B3GALT1: variants seen among roughly 807,000 people sequenced by gnomAD.
B3GALT1 encodes the protein UDP-Gal:betaGlcNAc beta 1,3-galactosyltransferase, polypeptide 1.
In B3GALT1, 10 loss-of-function variants were observed where a neutral mutation model predicts 23.2. The observed-to-expected ratio is 0.43, with a 90% CI of 0.27 to 0.73. The LOEUF (loss-of-function observed/expected upper bound fraction) is 0.73, where lower values mean the gene tolerates loss of function less well. B3GALT1 is among the 30% of genes least tolerant of loss of function. The probability of loss-of-function intolerance (pLI) is 0.21; values close to 1 mark genes in which losing one functional copy is unlikely to be tolerated. For missense variants in B3GALT1, 299 were observed against 405.4 expected (o/e 0.74, Z 2.25); for synonymous variants, 156 against 141.5 (o/e 1.10, Z -0.73).
In B3GALT1 at chr2:167,865,582, G is replaced by T. The variant is rs547931097; in HGVS notation, c.-229-3229G>T. 1.2e-4 allele frequency among the ~76,000 whole-genome samples: 18 copies of T among 152,282 alleles called. No homozygotes were observed. The South Asian group carries it at 3.7e-3, about 32-fold the overall frequency. On this transcript the variant is annotated intron_variant, in intron 4 of 4. Coordinates refer to ENST00000392690, the MANE Select transcript of B3GALT1 (RefSeq NM_020981.4). ...CGAGGCGGGCAGATCACAAGATCAG[G>T]AGATCGAGACCCTCCTGGCTAACAC...
At chr2:167,447,249 G>C (rs532018525) in intron 1 of B3GALT1, among the ~76,000 whole-genome samples, 1 of 152,200 alleles carries the variant, frequency 6.6e-6, no homozygotes, top group Non-Finnish European at 1.5e-5. Flanking sequence ...GCACCTGGCC[G>C]TGTGAGGTGT....
chr2:167,730,544 A>G (rs1687395192), intron 3 of B3GALT1, among the ~76,000 whole-genome samples: 1 of 152,128 alleles, frequency 6.6e-6, no homozygotes, highest in Non-Finnish European at 1.5e-5. Flanking sequence ...CAAAGATATT[A>G]ATTTGTTTGT....
intron 1 of B3GALT1, among the ~76,000 whole-genome samples, chr2:167,408,921 A>G (rs1436512933): frequency 1.3e-5 from 2 of 152,216 alleles, no homozygotes; most frequent in Non-Finnish European, 2.9e-5. Flanking sequence ...GGAAGAATTA[A>G]TATTGTGAAA....
intron 3 of B3GALT1, among the ~76,000 whole-genome samples, chr2:167,666,537 G>A (rs1402465693): frequency 1.3e-5 from 2 of 151,408 alleles, no homozygotes; most frequent in South Asian, 4.2e-4. Context: ...TCTGTCTAAT[G>A]TTGACAGTGG....
At chr2:167,372,371 A>G (rs925573826) in intron 1 of B3GALT1, among the ~76,000 whole-genome samples, 1 of 152,074 alleles carries the variant, frequency 6.6e-6, no homozygotes, top group Admixed American at 6.5e-5. Flanking sequence ...TTATAAAAGA[A>G]ATCTGTGAAA....
At chr2:167,734,273 C>T (rs1211259384) in intron 3 of B3GALT1, among the ~76,000 whole-genome samples, 1 of 152,122 alleles carries the variant, frequency 6.6e-6, no homozygotes. Flanking sequence ...GGTCTAGTCA[C>T]TATTCACCCA....
At chr2:167,452,037 A>G (rs1699100818) in intron 1 of B3GALT1, among the ~76,000 whole-genome samples, 1 of 152,098 alleles carries the variant, frequency 6.6e-6, no homozygotes, top group Non-Finnish European at 1.5e-5. Flanking sequence ...ATGCCTCCCC[A>G]ACAGCACCGG....
intron 2 of B3GALT1, among the ~76,000 whole-genome samples, chr2:167,508,452 G>A (rs1183403607): frequency 6.6e-6 from 1 of 151,574 alleles, no homozygotes; most frequent in African/African-American, 2.4e-5. Flanking sequence ...TAGAGACGGG[G>A]TTTCACCGTG....
intron 4 of B3GALT1, among the ~76,000 whole-genome samples, chr2:167,821,388 A>C (rs1395327563): frequency 1.3e-5 from 2 of 151,788 alleles, no homozygotes. Context: ...TTGGAAGAAA[A>C]GAAGAGCTGA....
intron 3 of B3GALT1, among the ~76,000 whole-genome samples, chr2:167,773,270 AATATGTATTGTGTAT>A (rs1688101720): frequency 6.6e-6 from 1 of 152,268 alleles, no homozygotes; most frequent in African/African-American, 2.4e-5. Flanking sequence ...TAAAAATGCA[AATATGTATTGTGTAT>A]ATATGTATGT....
chr2:167,325,042 T>C (rs2105495711), intron 1 of B3GALT1, among the ~76,000 whole-genome samples: 1 of 152,286 alleles, frequency 6.6e-6, no homozygotes, highest in South Asian at 2.1e-4. Context: ...TTGCTGCAAA[T>C]GACACGATTT....
In B3GALT1 at chr2:167,715,303, T is replaced by A. The variant is rs1047934617; in HGVS notation, c.-352+68337T>A. ...GATTTTCTTTATCATTCAGAACTTG[T>A]TCTGCTTATACTTTGGAGTCTTCAA... On this transcript the variant is annotated intron_variant, in intron 3 of 4. Transcript: ENST00000392690. The A allele has an allele frequency of 6.6e-5, 107 of 1,613,946 alleles. No individual in the cohort carries two copies. The African/African-American group carries it at 1.2e-3, about 17-fold the overall frequency.
intron 1 of B3GALT1, among the ~76,000 whole-genome samples, chr2:167,454,149 T>C (rs1699131240): frequency 6.6e-6 from 1 of 152,232 alleles, no homozygotes; most frequent in East Asian, 1.9e-4. Context: ...ATATTCTCTA[T>C]ACAAAAGTGC....
chr2:167,414,616 C>A (rs942515254), intron 1 of B3GALT1, among the ~76,000 whole-genome samples: 1 of 152,106 alleles, frequency 6.6e-6, no homozygotes, highest in African/African-American at 2.4e-5. Flanking sequence ...TTTATAGGAA[C>A]TGTGGAATCC....
At chr2:167,829,842 G>A (rs1389552763) in intron 4 of B3GALT1, among the ~76,000 whole-genome samples, 3 of 152,164 alleles carry the variant, frequency 2.0e-5, no homozygotes. Flanking sequence ...AGAAGCCATA[G>A]CAGGGCGAGT....
At chr2:167,739,322 T>C (rs1687539364) in intron 3 of B3GALT1, among the ~76,000 whole-genome samples, 1 of 152,156 alleles carries the variant, frequency 6.6e-6, no homozygotes, top group South Asian at 2.1e-4. Flanking sequence ...ATCCCTCAGA[T>C]GAAAGCCCAG....
At position 167,564,224 on chromosome 2, in the gene B3GALT1, G is replaced by A. The variant is rs1182792442; in HGVS notation, c.-410+73947G>A. Among the ~76,000 whole-genome samples, 11 of 151,344 alleles carry A rather than the reference G, an allele frequency of 7.3e-5. 1 individual carries two copies. Among genetic ancestry groups the A allele is most frequent in the Admixed American group, 3.9e-4 (6 of 15,232 alleles). On this transcript the variant is annotated intron_variant, in intron 2 of 4. Coordinates refer to ENST00000392690, the MANE Select transcript of B3GALT1 (RefSeq NM_020981.4). ...CAGAGACGCTCCTCACATCCCGGAC[G>A]GGGCGGCAGGGCAGAGGCGCTCCCC...
Position 167,704,145 on chromosome 2 carries a change from C to A in B3GALT1, c.-352+57179C>A, listed in dbSNP as rs1419603948. 3.6e-5 allele frequency among the ~76,000 whole-genome samples: 5 copies of A among 137,478 alleles called. No individual in the cohort carries two copies. In the East Asian group the frequency reaches 1.1e-3, roughly 30 times the overall value. The allele number at this position is 137,478 out of a possible 152,430, so 90.2% of individuals were successfully genotyped here. On this transcript the variant is annotated intron_variant, in intron 3 of 4. Coordinates refer to ENST00000392690, the MANE Select transcript of B3GALT1 (RefSeq NM_020981.4). ...GCAATGAGCCGAGATCGCACCACTGCACTCCAGACTGGGCAAAGGAGCGAA... is the reference window on the plus strand; with the variant it reads ...GCAATGAGCCGAGATCGCACCACTGAACTCCAGACTGGGCAAAGGAGCGAA...
rs1184882586 is a variant in B3GALT1 at position 167,522,005 on chromosome 2, T to TATATATAC, written c.-410+31729_-410+31730insTATATACA. 2.9e-3 allele frequency among the ~76,000 whole-genome samples: 422 copies of TATATATAC among 144,860 alleles called. 4 individuals carry two copies. Among genetic ancestry groups the TATATATAC allele is most frequent in the African/African-American group, 1.0e-2 (396 of 39,638 alleles). On this transcript the variant is annotated intron_variant, in intron 2 of 4. Transcript: ENST00000392690. ...GTGTGTATATATATATATATATATA[T>TATATATAC]ACACATATATATATAATTATATATA...
Sources: allele counts gnomAD v4.1 joint callset (sites outside exome capture counted in the v4.1 genomes callset), GRCh38; gene constraint gnomAD v4.1.1; transcripts MANE v1.5; gene names NCBI Gene and HGNC (gene_info 2026-07-23, HGNC 2026-07-21).